COL19A1: variants seen among roughly 807,000 people sequenced by gnomAD.
COL19A1 encodes collagen type XIX alpha 1 chain.
In COL19A1, 159 loss-of-function variants were observed where a neutral mutation model predicts 190.2. That is an observed-to-expected ratio of 0.84 (90% confidence interval 0.73 to 0.95). COL19A1 has a LOEUF of 0.95. Among genes scored for constraint, COL19A1 ranks in the 40% least tolerant of loss-of-function variants. The pLI is 0.00. For synonymous variants in COL19A1, 509 were observed against 458.9 expected, an observed-to-expected ratio of 1.11 and a Z score of -1.39; for missense variants, 1,418 against 1,431.9, an observed-to-expected ratio of 0.99 and a Z score of 0.16.
intron 27 of COL19A1, among the ~76,000 whole-genome samples, chr6:70,148,370 T>C (rs1290806594): frequency 6.6e-6 from 1 of 151,806 alleles, no homozygotes; most frequent in Non-Finnish European, 1.5e-5. Flanking sequence ...AAAAAACAAG[T>C]ATTAGAACAG....
At chr6:69,998,619 TG>T (rs1372315468) in intron 11 of COL19A1, among the ~76,000 whole-genome samples, 1 of 136,354 alleles carries the variant, frequency 7.3e-6, no homozygotes, top group East Asian at 2.2e-4. Context: ...CACTCTATTC[TG>T]GGTGACAGAA....
At chr6:70,195,958 G>A (rs900236973) in intron 48 of COL19A1, among the ~76,000 whole-genome samples, 3 of 152,162 alleles carry the variant, frequency 2.0e-5, no homozygotes, top group Admixed American at 2.0e-4. Flanking sequence ...GGATTCAGGA[G>A]GTAGTTAAAG....
At chr6:70,022,336 G>A (rs936721341) in intron 11 of COL19A1, among the ~76,000 whole-genome samples, 16 of 150,966 alleles carry the variant, frequency 1.1e-4, no homozygotes, top group African/African-American at 1.9e-4. Flanking sequence ...CAGCTAATAC[G>A]TATTTATCAC....
intron 4 of COL19A1, among the ~76,000 whole-genome samples, chr6:69,923,063 A>G (rs565816436): frequency 6.6e-6 from 1 of 152,306 alleles, no homozygotes; most frequent in African/African-American, 2.4e-5. Context: ...AGAAACCACT[A>G]CAAAACTTAG....
At chr6:69,943,245 G>A (rs577918384) in intron 9 of COL19A1, among the ~76,000 whole-genome samples, 1 of 151,980 alleles carries the variant, frequency 6.6e-6, no homozygotes, top group African/African-American at 2.4e-5. Flanking sequence ...TCAGATTATT[G>A]GGGTTTTTGT....
intron 14 of COL19A1, among the ~76,000 whole-genome samples, chr6:70,063,894 C>G (rs545585360): frequency 3.9e-5 from 6 of 152,238 alleles, no homozygotes; most frequent in African/African-American, 1.4e-4. Context: ...GGATAAACTC[C>G]TCGACACATA....
At chr6:69,909,727 T>A (rs961672554) in intron 4 of COL19A1, among the ~76,000 whole-genome samples, 12 of 152,160 alleles carry the variant, frequency 7.9e-5, no homozygotes, top group Admixed American at 3.9e-4. Context: ...AAACATTACA[T>A]AAGCCCCTGG....
intron 16 of COL19A1, among the ~76,000 whole-genome samples, chr6:70,102,921 C>T (rs968860915): frequency 1.3e-5 from 2 of 152,236 alleles, no homozygotes; most frequent in East Asian, 3.9e-4. Context: ...TGACTGCTCT[C>T]TCCTTGAAAC....
At chr6:69,999,428 G>C in intron 11 of COL19A1, among the ~76,000 whole-genome samples, 1 of 152,048 alleles carries the variant, frequency 6.6e-6, no homozygotes, top group East Asian at 1.9e-4. Context: ...CAACTACTTG[G>C]AAGGCTGAGG....
intron 14 of COL19A1, among the ~76,000 whole-genome samples, chr6:70,051,656 A>G (rs940202435): frequency 1.3e-5 from 2 of 152,120 alleles, no homozygotes; most frequent in Non-Finnish European, 2.9e-5. Context: ...ATAGCCCAGA[A>G]CAAAAGGGTG....
intron 49 of COL19A1, among the ~76,000 whole-genome samples, chr6:70,200,174 G>T (rs1166688779): frequency 6.6e-6 from 1 of 152,112 alleles, no homozygotes; most frequent in Non-Finnish European, 1.5e-5. Flanking sequence ...TAGTTATTTG[G>T]TTCTAAAATA....
intron 44 of COL19A1, among the ~76,000 whole-genome samples, chr6:70,183,313 G>A (rs1337998681): frequency 1.3e-5 from 2 of 152,168 alleles, no homozygotes; most frequent in Non-Finnish European, 2.9e-5. Context: ...AATGAGATGA[G>A]GGTAGAGAGG....
At chr6:70,195,215 G>A (rs1279279587) in intron 48 of COL19A1, among the ~76,000 whole-genome samples, 1 of 148,326 alleles carries the variant, frequency 6.7e-6, no homozygotes, top group Non-Finnish European at 1.5e-5. Context: ...CTTCCAATTT[G>A]CTTCTTTCTG....
chr6:70,210,682 G>A lies in COL19A1; in HGVS notation c.*3408G>A, dbSNP rs1378315618. On this transcript the variant is annotated 3_prime_UTR_variant, in exon 51 of 51. Coordinates refer to ENST00000620364, the MANE Select transcript of COL19A1 (RefSeq NM_001858.6). Reference sequence around the variant, plus strand: ...TACCTCCATTTGTCCACAAGATGGTGTTTAAAACAATTTGTTCAGAAGAAC... The same window carrying A: ...TACCTCCATTTGTCCACAAGATGGTATTTAAAACAATTTGTTCAGAAGAAC... 6.6e-6 allele frequency among the ~76,000 whole-genome samples: 1 copy of A among 152,144 alleles called. No individual in the cohort carries two copies. Among genetic ancestry groups the A allele is most frequent in the East Asian group, 1.9e-4 (1 of 5,198 alleles).
rs375453794 is a variant in COL19A1, at chr6:69,960,051, C to A, written c.981+11C>A. On this transcript the variant is annotated intron_variant, in intron 10 of 50. Coordinates refer to ENST00000620364, the MANE Select transcript of COL19A1 (RefSeq NM_001858.6). ...TTCCCTGGTCAAAAGGTAAAGAGTT[C>A]TTGAATGTTTCATCTGAGTTAAGAA... 4.0e-5 allele frequency: 65 copies of A among 1,608,100 alleles called. No homozygotes were observed. In the African/African-American group the frequency reaches 7.5e-4, roughly 19 times the overall value.
intron 12 of COL19A1, among the ~76,000 whole-genome samples, chr6:70,027,809 T>G (rs1778811101): frequency 6.6e-6 from 1 of 152,170 alleles, no homozygotes; most frequent in South Asian, 2.1e-4. Context: ...CAAGATATAT[T>G]TAACAAAGGT....
At chr6:70,183,687 G>A (rs957750861) in intron 44 of COL19A1, among the ~76,000 whole-genome samples, 10 of 152,156 alleles carry the variant, frequency 6.6e-5, no homozygotes, top group African/African-American at 2.4e-4. Flanking sequence ...TTTCAGAAAG[G>A]TTGGCGAACT....
At chr6:69,902,185 A>G (rs543961725) in intron 4 of COL19A1, among the ~76,000 whole-genome samples, 3 of 152,276 alleles carry the variant, frequency 2.0e-5, no homozygotes, top group South Asian at 2.1e-4. Context: ...GTATGCTAGG[A>G]TGCTTCTCTT....
Position 70,146,134 on chromosome 6 carries a change from G to A in COL19A1, c.1771-525G>A, listed in dbSNP as rs547867333. Among the ~76,000 whole-genome samples the A allele has an allele frequency of 1.4e-4, 22 of 152,218 alleles. No homozygotes were observed. In the Middle Eastern group the frequency reaches 0.014, roughly 94 times the overall value. ...GATTCCTAGGTCCCCTGAATCCTAGGCATGAATTCTGTAGAGATCTATGGA... is the reference window on the plus strand; with the variant it reads ...GATTCCTAGGTCCCCTGAATCCTAGACATGAATTCTGTAGAGATCTATGGA... On this transcript the variant is annotated intron_variant, in intron 25 of 50. Transcript: ENST00000620364.
Sources: gnomAD v4.1 joint callset for allele counts (sites outside exome capture counted in the v4.1 genomes callset) on GRCh38, gnomAD v4.1.1 for gene constraint, MANE v1.5 for transcripts, NCBI Gene and HGNC (gene_info 2026-07-23, HGNC 2026-07-21) for gene names.